The following OLFML2B variants were observed in gnomAD, a reference collection of about 807,000 sequenced individuals.
OLFML2B encodes olfactomedin-like protein 2B.
A neutral mutation model predicts 74.9 loss-of-function variants in OLFML2B; 57 were observed. The observed-to-expected ratio is 0.76, with a 90% CI of 0.61 to 0.95. The LOEUF is 0.95. OLFML2B is among the 40% of genes least tolerant of loss of function. OLFML2B has a pLI of 0.00. For missense variants in OLFML2B, 986 were observed against 970.6 expected (o/e 1.02, Z -0.21); for synonymous variants, 388 against 405.8 (o/e 0.96, Z 0.53).
In OLFML2B at chr1:162,023,397, C is replaced by A. The variant is rs146578225; in HGVS notation, c.34G>T (p.Ala12Ser). ...AKPRLLVLYFALIVVPAWVSS... is the reference protein window; with the variant it reads ...AKPRLLVLYFSLIVVPAWVSS... ...ACCCAGGCCGGAACCACAATCAGAGCGAAGTAGAGAACTAGCAGCCGAGGC... is the reference window on the plus strand; with the variant it reads ...ACCCAGGCCGGAACCACAATCAGAGAGAAGTAGAGAACTAGCAGCCGAGGC... The change falls in exon 1 of 8, where the codon GCT (alanine) becomes TCT (serine). Residue 12 changes from alanine (A) to serine (S), a missense_variant. Coordinates refer to ENST00000294794, the MANE Select transcript of OLFML2B (RefSeq NM_015441.3). 215 of 1,590,376 alleles carry A rather than the reference C, an allele frequency of 1.4e-4. 1 individual carries two copies. The African/African-American group carries it at 2.6e-3, about 19-fold the overall frequency.
At chr1:162,000,740 A>G (rs1690060768) in intron 4 of OLFML2B, among the ~76,000 whole-genome samples, 1 of 152,066 alleles carries the variant, frequency 6.6e-6, no homozygotes, top group Non-Finnish European at 1.5e-5. Flanking sequence ...GGTGACTTAG[A>G]TCTGGTGTAA....
intron 6 of OLFML2B, among the ~76,000 whole-genome samples, chr1:161,992,532 C>A (rs141103104): frequency 6.6e-6 from 1 of 152,234 alleles, no homozygotes; most frequent in African/African-American, 2.4e-5. Flanking sequence ...GACATGCCAT[C>A]CTCGCTCAGC....
intron 3 of OLFML2B, among the ~76,000 whole-genome samples, chr1:162,012,118 G>A (rs554362963): frequency 2.6e-5 from 4 of 152,260 alleles, no homozygotes; most frequent in South Asian, 4.1e-4. Flanking sequence ...AAGTCAGGCC[G>A]GGTAAGCAGT....
At position 161,998,183 on chromosome 1, in the gene OLFML2B, G is replaced by A; in HGVS notation, c.1116C>T (p.Ser372=). Residue 372 remains serine, a synonymous_variant, in exon 6 of 8, where the codon TCC becomes TCT. Coordinates refer to ENST00000294794, the MANE Select transcript of OLFML2B (RefSeq NM_015441.3). ...AGGTCGAGGGCTGTGGCAGTGCTGAGGACCAGGGTGCGGTCCGAGCGTTCA... is the reference window on the plus strand; with the variant it reads ...AGGTCGAGGGCTGTGGCAGTGCTGAAGACCAGGGTGCGGTCCGAGCGTTCA... ...SDLNARTAPW[S]SALPQPSTSD... is the part of the protein sequence containing the mutation. 1 of 1,614,100 alleles carries A rather than the reference G, an allele frequency of 6.2e-7. No individual in the cohort carries two copies. The highest frequency in any genetic ancestry group is 8.5e-7 in the Non-Finnish European group (1 of 1,180,036).
At chr1:162,012,558 A>G (rs1690421454) in intron 3 of OLFML2B, among the ~76,000 whole-genome samples, 1 of 152,168 alleles carries the variant, frequency 6.6e-6, no homozygotes, top group Non-Finnish European at 1.5e-5. Flanking sequence ...TTCAGCTGGG[A>G]CACAAGGTTC....
At chr1:162,022,919 C>T (rs375167259) in intron 1 of OLFML2B, among the ~76,000 whole-genome samples, 1 of 152,184 alleles carries the variant, frequency 6.6e-6, no homozygotes, top group Admixed American at 6.5e-5. Flanking sequence ...TTTTCACATT[C>T]CAATTCTGAC....
chr1:162,004,464 A>G (rs1199740002), intron 4 of OLFML2B, among the ~76,000 whole-genome samples: 2 of 152,172 alleles, frequency 1.3e-5, no homozygotes, highest in South Asian at 2.1e-4. Flanking sequence ...CCTTTCTTAT[A>G]TCTATTTTAT....
chr1:161,983,844 T>C lies in OLFML2B; in HGVS notation c.2084A>G (p.Asn695Ser), dbSNP rs1689498230. Residue 695 changes from asparagine to serine, a missense_variant, in exon 8 of 8, where the codon AAC (asparagine) becomes AGC (serine). Transcript: ENST00000294794. ...AVDSYNQRNA[N>S]ISYAFDTHTN... Reference sequence around the variant, plus strand: ...GTGGGTGTCGAAAGCGTAGGAGATGTTGGCATTCCGCTGGTTGTAGCTATC... The same window carrying C: ...GTGGGTGTCGAAAGCGTAGGAGATGCTGGCATTCCGCTGGTTGTAGCTATC... The C allele has an allele frequency of 6.2e-7, 1 of 1,614,050 alleles. No homozygotes were observed. Among genetic ancestry groups the C allele is most frequent in the African/African-American group, 1.3e-5 (1 of 74,908 alleles).
chr1:162,020,272 C>A, intron 1 of OLFML2B, 90 bp from the exon 2 acceptor site: 1 of 1,472,380 alleles, frequency 6.8e-7, no homozygotes, highest in Non-Finnish European at 9.2e-7. Flanking sequence ...AGTCAAATGT[C>A]CTGCACTAGT....
Position 161,998,039 on chromosome 1 carries a change from A to G in OLFML2B, c.1260T>C (p.Thr420=). Residue 420 remains threonine, a synonymous_variant, in exon 6 of 8, where the codon ACT becomes ACC. Coordinates refer to ENST00000294794, the MANE Select transcript of OLFML2B (RefSeq NM_015441.3). The stretch of plus-strand genomic sequence containing the variant: ...GTTGCTGGGTGGCTGTGTGGGCCAC[A>G]GTGGTGGCTGGTACCTGAGGAGAAG... ...LQPSPQVPAT[T]VAHTATQQPA... The G allele has an allele frequency of 1.2e-6, 2 of 1,614,114 alleles. No individual in the cohort carries two copies. Among genetic ancestry groups the G allele is most frequent in the Non-Finnish European group, 1.7e-6 (2 of 1,179,992 alleles).
At chr1:162,022,291 C>T (rs1055890149) in intron 1 of OLFML2B, among the ~76,000 whole-genome samples, 1 of 118,374 alleles carries the variant, frequency 8.4e-6, no homozygotes, top group Admixed American at 1.0e-4. Flanking sequence ...CACTCTGTCA[C>T]TCAGGATGGA....
At chr1:162,019,784 G>T in intron 2 of OLFML2B, 135 bp downstream of exon 2, 1 of 1,135,636 alleles carries the variant, frequency 8.8e-7, no homozygotes, top group Non-Finnish European at 1.2e-6. Context: ...CATCAACCTT[G>T]ATCCACACAC....
intron 6 of OLFML2B, among the ~76,000 whole-genome samples, chr1:161,996,113 G>A (rs987853840): frequency 3.3e-5 from 5 of 152,174 alleles, no homozygotes; most frequent in African/African-American, 4.8e-5. Flanking sequence ...CCAGGCCAGC[G>A]TTCATGAGAT....
rs569322681 is a variant in OLFML2B at position 161,986,153 on chromosome 1, G to A, written c.1475-1173C>T. Among the ~76,000 whole-genome samples the A allele has an allele frequency of 2.6e-5, 4 of 152,208 alleles. No homozygotes were observed. In the East Asian group the frequency reaches 7.7e-4, roughly 29 times the overall value. On this transcript the variant is annotated intron_variant, in intron 6 of 7. Coordinates refer to ENST00000294794, the MANE Select transcript of OLFML2B (RefSeq NM_015441.3). ...TTCCTTACCCCCTGCTGGCAGCTGG[G>A]GCCAGCAGAACCCCTGCCCCACCTG...
intron 6 of OLFML2B, among the ~76,000 whole-genome samples, chr1:161,997,222 GA>G (rs1287241851): frequency 6.6e-6 from 1 of 152,162 alleles, no homozygotes; most frequent in East Asian, 1.9e-4. Flanking sequence ...CACCTCCTTA[GA>G]AAAGTTTCCC....
chr1:161,993,928 G>A (rs1476988695), intron 6 of OLFML2B, among the ~76,000 whole-genome samples: 1 of 152,208 alleles, frequency 6.6e-6, no homozygotes, highest in East Asian at 1.9e-4. Context: ...TGCTCACTTT[G>A]GATCTTTGCA....
At chr1:161,990,772 T>C (rs1348497471) in intron 6 of OLFML2B, among the ~76,000 whole-genome samples, 4 of 152,250 alleles carry the variant, frequency 2.6e-5, no homozygotes, top group African/African-American at 7.2e-5. Flanking sequence ...TGCTGTTTGA[T>C]AGCATTTTAC....
intron 7 of OLFML2B, 53 bp from the exon 8 acceptor site, chr1:161,984,329 C>T: frequency 6.6e-7 from 1 of 1,508,740 alleles, no homozygotes; most frequent in Non-Finnish European, 8.8e-7. Context: ...AGAGGGTGGG[C>T]AGCCCATGTG....
intron 6 of OLFML2B, among the ~76,000 whole-genome samples, chr1:161,989,824 C>T (rs555722258): frequency 1.3e-5 from 2 of 152,304 alleles, no homozygotes; most frequent in South Asian, 2.1e-4. Context: ...AGACCCACTA[C>T]GTGCCTGAGT....
Sources: gnomAD v4.1 joint callset for allele counts (sites outside exome capture counted in the v4.1 genomes callset) on GRCh38, gnomAD v4.1.1 for gene constraint, MANE v1.5 for transcripts, NCBI Gene and HGNC (gene_info 2026-07-23, HGNC 2026-07-21) for gene names.